ITFG2: variants seen among roughly 807,000 people sequenced by gnomAD.
The protein encoded by ITFG2 is integrin alpha FG-GAP repeat containing 2, also known as KICSTOR complex protein ITFG2.
Under a neutral mutation model 54.4 loss-of-function variants are expected in ITFG2, and 36 were observed. The observed-to-expected ratio is 0.66, with a 90% confidence interval of 0.51 to 0.87. The LOEUF (loss-of-function observed/expected upper bound fraction) is 0.87, where lower values mean the gene tolerates loss of function less well. Among genes scored for constraint, ITFG2 ranks in the 40% least tolerant of loss-of-function variants. The pLI is 0.00. For missense variants in ITFG2, 524 were observed against 576.7 expected (o/e 0.91, Z 0.94); for synonymous variants, 211 against 225.4 (o/e 0.94, Z 0.57).
rs1414228095 is a variant in ITFG2 at position 2,817,204 on chromosome 12, C to G, written c.97-19C>G. 1.3e-6 allele frequency: 2 copies of G among 1,573,720 alleles called. No homozygotes were observed. The highest frequency in any genetic ancestry group is 8.7e-7 in the Non-Finnish European group (1 of 1,144,628). On this transcript the variant is annotated intron_variant, in intron 1 of 11. Transcript: ENST00000228799. ...CAGCAGAGTCCCATCCTAACGCTTT[C>G]TTCTCTCTCCATTTGAAGTTAAATG...
At chr12:2,818,388 G>A in intron 4 of ITFG2, 111 bp downstream of exon 4, 1 of 1,538,074 alleles carries the variant, frequency 6.5e-7, no homozygotes, top group Non-Finnish European at 8.7e-7. Flanking sequence ...GTATGCATTT[G>A]TTATGTGCTG....
At chr12:2,846,681 A>C (rs1401110450) in intron 2 of ITFG2, among the ~76,000 whole-genome samples, 1 of 151,814 alleles carries the variant, frequency 6.6e-6, no homozygotes, top group East Asian at 1.9e-4. Context: ...GAGATTGGGT[A>C]AATTCCCAGA....
intron 2 of ITFG2, chr12:2,856,888 T>C: frequency 1.4e-6 from 1 of 701,942 alleles, no homozygotes; most frequent in Middle Eastern, 2.3e-4. Flanking sequence ...CCTGGCCCAC[T>C]ATAAGGGACA....
Position 2,818,269 on chromosome 12 carries a change from G to A in ITFG2, c.398G>A (p.Ser133Asn). Residue 133 changes from serine to asparagine, a missense_variant, in exon 4 of 12, where the codon AGC (serine) becomes AAC (asparagine). Transcript: ENST00000228799. ...IPANTKVMLI[S>N]DIDGDGCREL... Reference sequence around the variant, plus strand: ...GCCAACACCAAGGTCATGCTGATCAGCGACATCGGTGGGCATGCCTACCTT... The same window carrying A: ...GCCAACACCAAGGTCATGCTGATCAACGACATCGGTGGGCATGCCTACCTT... 6.2e-7 allele frequency: 1 copy of A among 1,612,994 alleles called. No homozygotes were observed. The highest frequency in any genetic ancestry group is 8.5e-7 in the Non-Finnish European group (1 of 1,180,032).
At chr12:2,827,623 A>C, downstream of ITFG2, 1 of 1,614,126 alleles carries the variant, frequency 6.2e-7, no homozygotes, top group Non-Finnish European at 8.5e-7. The surrounding 1 kb of genome is among the most constrained non-coding windows in gnomAD (Gnocchi z 4.0). Flanking sequence ...TGGGTGCCTT[A>C]CCTTGAGAGA....
intron 2 of ITFG2, among the ~76,000 whole-genome samples, chr12:2,848,497 C>A (rs910018832): frequency 6.6e-6 from 1 of 152,208 alleles, no homozygotes; most frequent in African/African-American, 2.4e-5. Context: ...ACCCTTCCCC[C>A]ACAGGTATCC....
upstream of ITFG2, among the ~76,000 whole-genome samples, chr12:2,833,851 T>C (rs996876026): frequency 6.6e-6 from 1 of 152,154 alleles, no homozygotes; most frequent in Non-Finnish European, 1.5e-5. Context: ...ATTTAACAGA[T>C]GAAGAAACTG....
At chr12:2,822,026 G>GAAGCC (rs1409787806) in intron 9 of ITFG2, among the ~76,000 whole-genome samples, 1 of 150,086 alleles carries the variant, frequency 6.7e-6, no homozygotes. Context: ...CTGCTAGACT[G>GAAGCC]AAGCCATTCT....
At chr12:2,828,148 C>T (rs982766598), downstream of ITFG2, 1 of 1,256,232 alleles carries the variant, frequency 8.0e-7, no homozygotes, top group Non-Finnish European at 1.1e-6. Context: ...ATCTCCAACC[C>T]CTGACCTCAC....
chr12:2,833,485 G>A (rs948345996), upstream of ITFG2, among the ~76,000 whole-genome samples: 1 of 152,118 alleles, frequency 6.6e-6, no homozygotes, highest in African/African-American at 2.4e-5. Context: ...GAAAGGTGGA[G>A]CTAAGTAGGG....
At chr12:2,828,102 C>G, downstream of ITFG2, 1 of 1,489,266 alleles carries the variant, frequency 6.7e-7, no homozygotes, top group South Asian at 1.2e-5. Context: ...GGTTCCACCC[C>G]ATTAATCAGC....
chr12:2,816,583 C>T (rs149905491), intron 1 of ITFG2, among the ~76,000 whole-genome samples: 1 of 151,892 alleles, frequency 6.6e-6, no homozygotes, highest in African/African-American at 2.4e-5. Flanking sequence ...CCCGCCTTGG[C>T]CTTCCAAAAT....
chr12:2,844,288 T>C (rs2098048295), intron 2 of ITFG2, among the ~76,000 whole-genome samples: 1 of 151,948 alleles, frequency 6.6e-6, no homozygotes, highest in African/African-American at 2.4e-5. Flanking sequence ...GCATGGTGGC[T>C]GATGCCCGTA....
At chr12:2,814,462 A>G (rs1056496077) in intron 1 of ITFG2, among the ~76,000 whole-genome samples, 1 of 152,112 alleles carries the variant, frequency 6.6e-6, no homozygotes, top group Non-Finnish European at 1.5e-5. Context: ...TGTAAGCTCC[A>G]TTACTATAAG....
rs567615892 is a variant in ITFG2 at position 2,845,541 on chromosome 12, C to T, written n.300+4546C>T. Among the ~76,000 whole-genome samples, 14 of 152,222 alleles carry T rather than the reference C, an allele frequency of 9.2e-5. No homozygotes were observed. The highest frequency in any genetic ancestry group is 3.4e-4 in the African/African-American group (14 of 41,552). ...GAGGTGGAGGGAGGGGAGTTTTTGGCCCGGAAATGGCTGGGAAGACTTCCT... is the reference window on the plus strand; with the variant it reads ...GAGGTGGAGGGAGGGGAGTTTTTGGTCCGGAAATGGCTGGGAAGACTTCCT... On this transcript the variant is annotated intron_variant and non_coding_transcript_variant, in intron 2 of 3. Coordinates refer to the ITFG2 transcript ENST00000537710. The surrounding 1 kb of genome is among the most constrained non-coding windows in gnomAD (Gnocchi z 4.2).
intron 1 of ITFG2, 184 bp downstream of exon 1, chr12:2,813,040 G>A: frequency 2.0e-6 from 1 of 509,852 alleles, no homozygotes; most frequent in Non-Finnish European, 3.5e-6. Flanking sequence ...TTCCTTGGGA[G>A]GTTTTGTTTG....
intron 2 of ITFG2, chr12:2,849,556 G>A: frequency 1.3e-6 from 2 of 1,535,420 alleles, no homozygotes; most frequent in Non-Finnish European, 1.7e-6. Flanking sequence ...AGAGAACAGA[G>A]AGATCAAAGA....
At chr12:2,833,763 A>G (rs554078210), upstream of ITFG2, among the ~76,000 whole-genome samples, 5 of 152,292 alleles carry the variant, frequency 3.3e-5, no homozygotes, top group Admixed American at 2.0e-4. Flanking sequence ...AGTGCCTGCT[A>G]TTAGGCACTG....
intron 2 of ITFG2, among the ~76,000 whole-genome samples, chr12:2,846,587 C>G (rs894768295): frequency 1.8e-4 from 27 of 152,172 alleles, no homozygotes; most frequent in African/African-American, 6.5e-4. Context: ...GGCGTGTTTT[C>G]TAATGGCCTG....
Sources: allele counts gnomAD v4.1 joint callset (sites outside exome capture counted in the v4.1 genomes callset), GRCh38; gene constraint gnomAD v4.1.1; non-coding constraint Gnocchi (gnomAD v3.1); transcripts MANE v1.5; gene names NCBI Gene and HGNC (gene_info 2026-07-23, HGNC 2026-07-21).